Variants in ZNF782 observed in about 807,000 individuals in gnomAD.
ZNF782 encodes the protein zinc finger protein 782.
ZNF782 carries 12 observed loss-of-function variants against 13.0 expected under a neutral mutation model. The ratio of observed to expected loss-of-function variants is 0.92; its 90% CI spans 0.59 to 1.50. The LOEUF is 1.50. ZNF782 is among the 40% of genes most tolerant of loss of function. ZNF782 has a pLI of 0.00. For synonymous variants in ZNF782, 284 were observed against 283.0 expected, an observed-to-expected ratio of 1.00 and a Z score of -0.04; for missense variants, 770 against 822.9, an observed-to-expected ratio of 0.94 and a Z score of 0.79.
At chr9:96,845,101 T>C (rs1851309397) in intron 3 of ZNF782, 85 bp from the exon 4 acceptor site, 7 of 1,534,482 alleles carry the variant, frequency 4.6e-6, no homozygotes, top group South Asian at 1.2e-5. Flanking sequence ...TTATGTTTAC[T>C]GTTGAGAATT....
intron 1 of ZNF782, chr9:96,875,425 C>A (rs577036569): frequency 4.2e-5 from 19 of 455,048 alleles, no homozygotes; most frequent in South Asian, 2.9e-4. Flanking sequence ...CATTTTCAGG[C>A]GAGAAACCTC....
At chr9:96,829,344 G>A (rs1286247421) in intron 4 of ZNF782, among the ~76,000 whole-genome samples, 2 of 151,940 alleles carry the variant, frequency 1.3e-5, no homozygotes, top group East Asian at 1.9e-4. Context: ...TATTTATTAT[G>A]GGTTTTATAA....
chr9:96,930,738 G>A, the ZNF782 span, among the ~76,000 whole-genome samples: 2 of 150,064 alleles, frequency 1.3e-5, no homozygotes, highest in Admixed American at 1.3e-4. Flanking sequence ...TGAGGAATGG[G>A]TGGCCTGAAT....
chr9:96,911,753 C>A, the ZNF782 span, among the ~76,000 whole-genome samples: 1 of 151,726 alleles, frequency 6.6e-6, no homozygotes, highest in Non-Finnish European at 1.5e-5. Flanking sequence ...ATCTCCTGAC[C>A]TCGTGATCCG....
At chr9:96,903,814 G>A in the ZNF782 span, among the ~76,000 whole-genome samples, 7 of 151,690 alleles carry the variant, frequency 4.6e-5, no homozygotes, top group South Asian at 4.2e-4. Context: ...CACCTGCCTC[G>A]GCCTCCCAAA....
the ZNF782 span, among the ~76,000 whole-genome samples, chr9:96,933,246 G>GCGATTGCAGGCATGACCCAC: frequency 6.6e-6 from 1 of 151,820 alleles, no homozygotes; most frequent in Non-Finnish European, 1.5e-5. Context: ...CCAAAGTGCT[G>GCGATTGCAGGCATGACCCAC]CGATTGCAGG....
the ZNF782 span, among the ~76,000 whole-genome samples, chr9:96,900,663 C>T: frequency 1.3e-4 from 20 of 152,102 alleles, no homozygotes; most frequent in African/African-American, 2.7e-4. Context: ...ATCACTTGAA[C>T]CTGGGAGGCA....
At chr9:96,881,289 TTTC>T in the ZNF782 span, among the ~76,000 whole-genome samples, 2 of 152,050 alleles carry the variant, frequency 1.3e-5, no homozygotes, top group Non-Finnish European at 2.9e-5. Flanking sequence ...TATCATTTCC[TTTC>T]TTCTTCTAGC....
At chr9:96,933,765 T>G in the ZNF782 span, 1 of 153,178 alleles carries the variant, frequency 6.5e-6, no homozygotes, top group Admixed American at 6.5e-5. Context: ...GGGGAGGAGC[T>G]GCAGGGCCCA....
the ZNF782 span, among the ~76,000 whole-genome samples, chr9:96,883,344 T>C: frequency 6.6e-6 from 1 of 152,144 alleles, no homozygotes; most frequent in Admixed American, 6.5e-5. Flanking sequence ...CCAATACCAG[T>C]AGGGCTCAAG....
chr9:96,895,848 T>C, the ZNF782 span: 1 of 152,218 alleles, frequency 6.6e-6, no homozygotes, highest in Admixed American at 6.5e-5. Flanking sequence ...ACTGGTTTCC[T>C]GACCTGAAGA....
chr9:96,855,854 C>G (rs984755690), upstream of ZNF782, among the ~76,000 whole-genome samples: 1 of 152,178 alleles, frequency 6.6e-6, no homozygotes, highest in African/African-American at 2.4e-5. Context: ...TGTGGTTGTA[C>G]TAGTTTACAT....
At chr9:96,866,870 G>A (rs373266687) in intron 1 of ZNF782, among the ~76,000 whole-genome samples, 2 of 152,304 alleles carry the variant, frequency 1.3e-5, no homozygotes, top group South Asian at 2.1e-4. Flanking sequence ...GCTGGATTTC[G>A]GACTTGCCTG....
intron 4 of ZNF782, among the ~76,000 whole-genome samples, chr9:96,840,507 A>G (rs1328914377): frequency 6.6e-6 from 1 of 152,072 alleles, no homozygotes; most frequent in East Asian, 1.9e-4. Context: ...TTTAACAGAA[A>G]GGTTTTCTTA....
At chr9:96,931,764 C>T in the ZNF782 span, 1 of 1,611,614 alleles carries the variant, frequency 6.2e-7, no homozygotes, top group Non-Finnish European at 8.5e-7. Flanking sequence ...AACCCTGGCA[C>T]CTCCCTGTCT....
chr9:96,919,925 T>C, the ZNF782 span, among the ~76,000 whole-genome samples: 1 of 151,600 alleles, frequency 6.6e-6, no homozygotes, highest in East Asian at 1.9e-4. Flanking sequence ...GGGCATCAAC[T>C]TTTTCTACTG....
At chr9:96,879,964 G>C (rs917534379), upstream of ZNF782, among the ~76,000 whole-genome samples, 4 of 151,294 alleles carry the variant, frequency 2.6e-5, no homozygotes, top group African/African-American at 9.7e-5. Flanking sequence ...TTTCCAATTT[G>C]TATGCCTTTT....
Position 96,827,079 on chromosome 9 carries a change from C to CTGAATTA in ZNF782, c.244_244+1insTAATTCA (p.Glu82ValfsTer8). 1 of 1,604,096 alleles carries CTGAATTA rather than the reference C, an allele frequency of 6.2e-7. No homozygotes were observed. Among genetic ancestry groups the CTGAATTA allele is most frequent in the Non-Finnish European group, 8.5e-7 (1 of 1,173,418 alleles). ...TCTTCTTGTTGAATTCAGTAACTCACCTGGGGAGTTCCTGCTTAGAAATCC... is the reference window on the plus strand; with the variant it reads ...TCTTCTTGTTGAATTCAGTAACTCACTGAATTACTGGGGAGTTCCTGCTTAGAAATCC... On this transcript the variant is annotated frameshift_variant and splice_region_variant. Transcript: ENST00000481138. LOFTEE classifies it high-confidence loss of function.
the ZNF782 span, among the ~76,000 whole-genome samples, chr9:96,880,700 G>A: frequency 3.9e-5 from 6 of 152,066 alleles, no homozygotes; most frequent in Non-Finnish European, 7.4e-5. Flanking sequence ...GATATTTGTT[G>A]TAAACTTTGT....
Sources: gnomAD v4.1 joint callset for allele counts (sites outside exome capture counted in the v4.1 genomes callset) on GRCh38, gnomAD v4.1.1 for gene constraint, MANE v1.5 for transcripts, NCBI Gene and HGNC (gene_info 2026-07-23, HGNC 2026-07-21) for gene names.